WWOX: variants seen among roughly 807,000 people sequenced by gnomAD.
WWOX encodes the protein WW domain-containing oxidoreductase.
Under a neutral mutation model 46.2 loss-of-function variants are expected in WWOX, and 69 were observed. The observed-to-expected ratio is 1.49, with a 90% confidence interval of 1.23 to 1.82. WWOX has a LOEUF of 1.82. Among genes scored for constraint, WWOX ranks in the 40% most tolerant of loss-of-function variants. The pLI, the probability that WWOX is intolerant of heterozygous loss-of-function variation, is 0.00. For synonymous variants in WWOX, 359 were observed against 202.6 expected, an observed-to-expected ratio of 1.77 and a Z score of -6.56; for missense variants, 919 against 542.6, an observed-to-expected ratio of 1.69 and a Z score of -6.89.
chr16:79,138,050 C>A (rs932464899), intron 8 of WWOX, among the ~76,000 whole-genome samples: 3 of 152,264 alleles, frequency 2.0e-5, no homozygotes, highest in African/African-American at 7.2e-5. Flanking sequence ...CCTGTGGGTT[C>A]TTGTTAATAC....
chr16:78,619,337 G>C (rs1311343374), intron 8 of WWOX, among the ~76,000 whole-genome samples: 1 of 128,024 alleles, frequency 7.8e-6, no homozygotes, highest in Non-Finnish European at 1.6e-5. Context: ...ACTCCAGCCT[G>C]GGCAACAGAG....
At chr16:78,551,678 G>T (rs1259268959) in intron 8 of WWOX, 1 of 137,666 alleles carries the variant, frequency 7.3e-6, no homozygotes, top group Non-Finnish European at 1.5e-5. Context: ...CCGTTTCTCA[G>T]ATCACACAGG....
rs140425291 is a variant in WWOX at position 78,486,861 on chromosome 16, C to T, written c.1056+54109C>T. 2.3e-3 allele frequency among the ~76,000 whole-genome samples: 350 copies of T among 152,310 alleles called. 2 individuals are homozygous for T. Among genetic ancestry groups the T allele is most frequent in the African/African-American group, 7.7e-3 (319 of 41,578 alleles). ...TGCTGGGATTACAGGCATGAGCCAC[C>T]GCCCCCGACCATTGTCTGTCAGGTT... On this transcript the variant is annotated intron_variant, in intron 8 of 8. Transcript: ENST00000566780.
At chr16:78,674,033 AC>A (rs1334035103) in intron 8 of WWOX, among the ~76,000 whole-genome samples, 1 of 151,992 alleles carries the variant, frequency 6.6e-6, no homozygotes. Flanking sequence ...TGCCCCCAAG[AC>A]TTTTTGGATT....
At chr16:78,791,761 T>C (rs2050606784) in intron 8 of WWOX, among the ~76,000 whole-genome samples, 1 of 151,980 alleles carries the variant, frequency 6.6e-6, no homozygotes. Context: ...CTGCCTATAA[T>C]TGCAGCTACT....
chr16:78,711,895 A>T (rs1197026333), intron 8 of WWOX, among the ~76,000 whole-genome samples: 1 of 152,126 alleles, frequency 6.6e-6, no homozygotes, highest in Non-Finnish European at 1.5e-5. Flanking sequence ...GCGCCATCTA[A>T]ATTAATCCAA....
At position 78,422,810 on chromosome 16, in the gene WWOX, C is replaced by CACATATATATACACACACAT. The variant is rs202030093; in HGVS notation, c.606-2059_606-2058insCATATATATACACACACATA. Among the ~76,000 whole-genome samples, 15 of 119,942 alleles carry CACATATATATACACACACAT rather than the reference C, an allele frequency of 1.3e-4. 2 individuals are homozygous for CACATATATATACACACACAT. The highest frequency in any genetic ancestry group is 6.4e-4 in the African/African-American group (14 of 22,026). The allele number at this position is 119,942 out of a possible 152,430, so 78.7% of individuals were successfully genotyped here. The stretch of plus-strand genomic sequence containing the variant: ...ACACACACACATATATATACACACA[C>CACATATATATACACACACAT]ATATATATACACACACATATATATA... On this transcript the variant is annotated intron_variant, in intron 6 of 8. Coordinates refer to ENST00000566780, the MANE Select transcript of WWOX (RefSeq NM_016373.4).
chr16:78,240,239 G>T (rs1292490845), intron 5 of WWOX, among the ~76,000 whole-genome samples: 1 of 152,092 alleles, frequency 6.6e-6, no homozygotes, highest in African/African-American at 2.4e-5. Context: ...AGCTACTCGG[G>T]AGGCTGCGGA....
intron 8 of WWOX, among the ~76,000 whole-genome samples, chr16:78,644,540 C>T (rs578145865): frequency 6.6e-6 from 1 of 152,060 alleles, no homozygotes; most frequent in East Asian, 1.9e-4. Context: ...CAGCTCACTG[C>T]AACCTCCGCC....
chr16:78,865,403 C>A (rs1211876855), intron 8 of WWOX, among the ~76,000 whole-genome samples: 1 of 152,204 alleles, frequency 6.6e-6, no homozygotes, highest in East Asian at 1.9e-4. Context: ...ATAGATAAAT[C>A]TTTACACTCC....
intron 8 of WWOX, among the ~76,000 whole-genome samples, chr16:78,949,310 GT>G (rs2046011252): frequency 1.3e-5 from 2 of 152,062 alleles, no homozygotes; most frequent in Non-Finnish European, 1.5e-5. Flanking sequence ...GACTAGATAC[GT>G]TTTTTTAAGG....
chr16:78,799,570 G>C (rs958974638), intron 8 of WWOX, among the ~76,000 whole-genome samples: 4 of 152,082 alleles, frequency 2.6e-5, no homozygotes, highest in African/African-American at 9.7e-5. Context: ...GAATTGAGGA[G>C]GGGTGAGGCT....
chr16:79,070,117 C>T (rs935594886), intron 8 of WWOX, among the ~76,000 whole-genome samples: 1 of 152,160 alleles, frequency 6.6e-6, no homozygotes, highest in Non-Finnish European at 1.5e-5. Flanking sequence ...GGCAAATTGA[C>T]TTGAAAGAGA....
chr16:78,500,271 C>G (rs957068378), intron 8 of WWOX, among the ~76,000 whole-genome samples: 7 of 152,164 alleles, frequency 4.6e-5, no homozygotes, highest in African/African-American at 1.4e-4. Context: ...AATTGCTTGG[C>G]ATTTGCTGTG....
At chr16:78,791,199 G>A (rs1037791362) in intron 8 of WWOX, among the ~76,000 whole-genome samples, 3 of 152,034 alleles carry the variant, frequency 2.0e-5, no homozygotes, top group African/African-American at 4.8e-5. Flanking sequence ...CTGTATCTGC[G>A]TAAGGTGCCG....
At chr16:78,553,199 G>A (rs1481071490) in intron 8 of WWOX, 1 of 152,230 alleles carries the variant, frequency 6.6e-6, no homozygotes, top group Non-Finnish European at 1.5e-5. Flanking sequence ...TAGGCGATGG[G>A]TTGATAGGTG....
At position 78,536,948 on chromosome 16, in the gene WWOX, A is replaced by C. The variant is rs1398982994; in HGVS notation, c.1056+104196A>C. Among the ~76,000 whole-genome samples the C allele has an allele frequency of 7.6e-5, 10 of 131,148 alleles. No individual in the cohort carries two copies. The Admixed American group carries it at 8.2e-4, about 11-fold the overall frequency. 86.0% of individuals were successfully genotyped at this position (131,148 alleles called of 152,430 possible). Reference sequence around the variant, plus strand: ...CTCCTTTTTTGAGAGAGAGAGTCTCACTCTGTCACCCAGACTGGATTGCAG... The same window carrying C: ...CTCCTTTTTTGAGAGAGAGAGTCTCCCTCTGTCACCCAGACTGGATTGCAG... On this transcript the variant is annotated intron_variant, in intron 8 of 8. Coordinates refer to ENST00000566780, the MANE Select transcript of WWOX (RefSeq NM_016373.4).
chr16:78,665,268 C>A (rs1474839975), intron 8 of WWOX, among the ~76,000 whole-genome samples: 1 of 152,114 alleles, frequency 6.6e-6, no homozygotes, highest in Non-Finnish European at 1.5e-5. Context: ...CACGCACATC[C>A]TAAGGGAGTG....
intron 5 of WWOX, among the ~76,000 whole-genome samples, chr16:78,190,279 T>C (rs895114307): frequency 2.0e-5 from 3 of 152,172 alleles, no homozygotes; most frequent in African/African-American, 7.2e-5. Flanking sequence ...GCGCTTAGTT[T>C]CCTGCCACAG....
Sources: allele counts gnomAD v4.1 joint callset (sites outside exome capture counted in the v4.1 genomes callset), GRCh38; gene constraint gnomAD v4.1.1; transcripts MANE v1.5; gene names NCBI Gene and HGNC (gene_info 2026-07-23, HGNC 2026-07-21).